The following BCKDHB variants were observed in gnomAD, a reference collection of about 807,000 sequenced individuals.
BCKDHB encodes the protein branched chain keto acid dehydrogenase E1 subunit beta, also known as 2-oxoisovalerate dehydrogenase subunit beta, mitochondrial.
BCKDHB carries 41 observed loss-of-function variants against 48.5 expected under a neutral mutation model. That is an observed-to-expected ratio of 0.85 (90% CI 0.66 to 1.10). The LOEUF is 1.10. Among genes scored for constraint, BCKDHB ranks in the 50% least tolerant of loss-of-function variants. The pLI, the probability that BCKDHB is intolerant of heterozygous loss-of-function variation, is 0.00. For missense variants in BCKDHB, 496 were observed against 494.2 expected, an observed-to-expected ratio of 1.00 and a Z score of -0.03; for synonymous variants, 201 against 174.8, an observed-to-expected ratio of 1.15 and a Z score of -1.18.
At chr6:80,151,338 A>G (rs887612962) in intron 3 of BCKDHB, among the ~76,000 whole-genome samples, 1 of 152,216 alleles carries the variant, frequency 6.6e-6, no homozygotes, top group Non-Finnish European at 1.5e-5. Flanking sequence ...AGCTAGCATA[A>G]GAAAAGTTGA....
At chr6:80,340,328 C>G (rs1249289913) in intron 9 of BCKDHB, among the ~76,000 whole-genome samples, 2 of 152,052 alleles carry the variant, frequency 1.3e-5, no homozygotes, top group Non-Finnish European at 2.9e-5. Context: ...ACTTTAGACC[C>G]CAAGTAGCTA....
the BCKDHB span, among the ~76,000 whole-genome samples, chr6:80,456,031 A>G: frequency 1.3e-5 from 2 of 152,018 alleles, no homozygotes; most frequent in Middle Eastern, 3.2e-3. Context: ...CCTAGCCAAT[A>G]TGGTGAAACC....
chr6:80,215,894 A>G (rs536303075), intron 8 of BCKDHB, among the ~76,000 whole-genome samples: 97 of 152,246 alleles, frequency 6.4e-4, no homozygotes, highest in African/African-American at 2.3e-3. Flanking sequence ...GGCGTGCACC[A>G]CCATGCCCGT....
intron 1 of BCKDHB, among the ~76,000 whole-genome samples, chr6:80,125,133 C>G (rs1450980339): frequency 6.6e-6 from 1 of 152,202 alleles, no homozygotes; most frequent in Non-Finnish European, 1.5e-5. Context: ...GGATAATTTA[C>G]TGCAGCTTCT....
At chr6:80,426,206 C>T in the BCKDHB span, among the ~76,000 whole-genome samples, 5 of 152,160 alleles carry the variant, frequency 3.3e-5, no homozygotes, top group Admixed American at 2.6e-4. Context: ...TAATAATGCT[C>T]GTATGAAGAT....
intron 1 of BCKDHB, among the ~76,000 whole-genome samples, chr6:80,112,432 C>T (rs1237752466): frequency 2.0e-5 from 3 of 152,186 alleles, no homozygotes; most frequent in Non-Finnish European, 2.9e-5. Flanking sequence ...CTTAGAACAG[C>T]AGCACAAAAG....
intron 9 of BCKDHB, among the ~76,000 whole-genome samples, chr6:80,298,670 A>G (rs751796351): frequency 1.3e-5 from 2 of 152,214 alleles, no homozygotes; most frequent in Non-Finnish European, 2.9e-5. Context: ...TCCCAAGGAC[A>G]TTTCTCAATG....
At chr6:80,163,103 T>C (rs543542831) in intron 3 of BCKDHB, among the ~76,000 whole-genome samples, 6 of 152,012 alleles carry the variant, frequency 3.9e-5, no homozygotes, top group Non-Finnish European at 5.9e-5. Flanking sequence ...TTTTATTGTA[T>C]TTTTTGTAGA....
intron 8 of BCKDHB, among the ~76,000 whole-genome samples, chr6:80,262,685 T>G (rs2127952322): frequency 6.6e-6 from 1 of 152,328 alleles, no homozygotes; most frequent in Admixed American, 6.5e-5. Flanking sequence ...AATGGAGCAA[T>G]AGAACATTTT....
intron 8 of BCKDHB, among the ~76,000 whole-genome samples, chr6:80,268,579 A>G (rs1026203611): frequency 1.3e-5 from 2 of 152,112 alleles, no homozygotes; most frequent in Admixed American, 1.3e-4. Context: ...GTTGTCTGTA[A>G]GAAAACAATC....
At chr6:80,231,321 G>A (rs1775913999) in intron 8 of BCKDHB, among the ~76,000 whole-genome samples, 1 of 152,008 alleles carries the variant, frequency 6.6e-6, no homozygotes, top group Admixed American at 6.5e-5. Context: ...AAATATAGAA[G>A]CTATAAAGAA....
At chr6:80,154,231 G>A (rs531467068) in intron 3 of BCKDHB, among the ~76,000 whole-genome samples, 1 of 152,206 alleles carries the variant, frequency 6.6e-6, no homozygotes, top group South Asian at 2.1e-4. Context: ...GAGGACAGAT[G>A]GTGTTTTATT....
At chr6:80,189,654 C>G (rs974881068) in intron 6 of BCKDHB, among the ~76,000 whole-genome samples, 1 of 152,072 alleles carries the variant, frequency 6.6e-6, no homozygotes, top group Non-Finnish European at 1.5e-5. Flanking sequence ...AAATTTAGGT[C>G]TGCCCATACT....
chr6:80,307,300 T>G (rs1365616907), intron 9 of BCKDHB, among the ~76,000 whole-genome samples: 1 of 152,210 alleles, frequency 6.6e-6, no homozygotes, highest in Non-Finnish European at 1.5e-5. Context: ...CATATAGGGT[T>G]CCATGAGCTA....
At chr6:80,308,592 T>C (rs1008935019) in intron 9 of BCKDHB, among the ~76,000 whole-genome samples, 3 of 129,440 alleles carry the variant, frequency 2.3e-5, no homozygotes, top group Admixed American at 7.4e-5. Flanking sequence ...CTTCTTCTTC[T>C]TCTTCTTTTT....
At chr6:80,147,906 T>G (rs1156801781) in intron 3 of BCKDHB, among the ~76,000 whole-genome samples, 2 of 152,072 alleles carry the variant, frequency 1.3e-5, no homozygotes, top group African/African-American at 4.8e-5. Flanking sequence ...TGTGATTCTT[T>G]GAAGTTGAGG....
chr6:80,403,233 G>A, the BCKDHB span, among the ~76,000 whole-genome samples: 3 of 151,714 alleles, frequency 2.0e-5, no homozygotes, highest in Non-Finnish European at 4.4e-5. Context: ...ATCTATGAAC[G>A]TGGGATATCT....
chr6:80,376,834 A>G, the BCKDHB span, among the ~76,000 whole-genome samples: 1 of 152,312 alleles, frequency 6.6e-6, no homozygotes, highest in Admixed American at 6.5e-5. Context: ...AAAGGGAGTG[A>G]AGTGGCAGAG....
chr6:80,348,026 G>A (rs1453594567), downstream of BCKDHB, among the ~76,000 whole-genome samples: 3 of 151,558 alleles, frequency 2.0e-5, no homozygotes, highest in South Asian at 2.1e-4. Flanking sequence ...GTGGTTTAAT[G>A]TGTCTGATTC....
Sources: gnomAD v4.1 joint callset for allele counts (sites outside exome capture counted in the v4.1 genomes callset) on GRCh38, gnomAD v4.1.1 for gene constraint, MANE v1.5 for transcripts, NCBI Gene and HGNC (gene_info 2026-07-23, HGNC 2026-07-21) for gene names.